LRIF1: variants seen among roughly 807,000 people sequenced by gnomAD.
LRIF1 encodes the protein ligand-dependent nuclear receptor-interacting factor 1.
In LRIF1, 32 loss-of-function variants were observed where a neutral mutation model predicts 52.7. The ratio of observed to expected loss-of-function variants is 0.61; its 90% CI spans 0.46 to 0.82. The LOEUF (loss-of-function observed/expected upper bound fraction) is 0.82. Ranked by LOEUF, LRIF1 falls within the 40% of genes least tolerant of loss-of-function variation. LRIF1 has a pLI of 0.00. For missense variants in LRIF1, 887 were observed against 892.0 expected, an observed-to-expected ratio of 0.99 and a Z score of 0.07; for synonymous variants, 323 against 317.4, an observed-to-expected ratio of 1.02 and a Z score of -0.19.
At chr1:110,937,227 G>A in the LRIF1 span, 1 of 151,978 alleles carries the variant, frequency 6.6e-6, no homozygotes, top group Non-Finnish European at 1.5e-5. Context: ...TTGACCAAAT[G>A]GACTTACAGA....
the LRIF1 span, among the ~76,000 whole-genome samples, chr1:110,922,397 T>G: frequency 1.3e-5 from 2 of 152,318 alleles, no homozygotes; most frequent in African/African-American, 4.8e-5. Context: ...TCACCACATG[T>G]TGGGGCTTTG....
At chr1:110,891,443 TC>T in the LRIF1 span, 1 of 1,613,936 alleles carries the variant, frequency 6.2e-7, no homozygotes, top group East Asian at 2.2e-5. Flanking sequence ...CTGAAGTATG[TC>T]CTGTTTTTCT....
At chr1:110,935,793 T>A in the LRIF1 span, among the ~76,000 whole-genome samples, 1 of 151,990 alleles carries the variant, frequency 6.6e-6, no homozygotes, top group South Asian at 2.1e-4. Flanking sequence ...AAAGGGATAA[T>A]AATAGAGAAC....
chr1:110,896,388 A>G, the LRIF1 span, among the ~76,000 whole-genome samples: 1 of 152,148 alleles, frequency 6.6e-6, no homozygotes, highest in Non-Finnish European at 1.5e-5. Context: ...TCCCTCCATT[A>G]TGCAGTCCCT....
chr1:110,949,816 T>C (rs371056061), intron 3 of LRIF1, 35 bp downstream of exon 3: 1 of 1,575,988 alleles, frequency 6.3e-7, no homozygotes, highest in Admixed American at 1.8e-5. Flanking sequence ...TCATTTGTAG[T>C]ACCTATGAAG....
chr1:110,891,376 C>T, the LRIF1 span: 8 of 1,571,344 alleles, frequency 5.1e-6, no homozygotes, highest in Non-Finnish European at 7.0e-6. Flanking sequence ...TTACTTTCTT[C>T]TTCCTTATTC....
chr1:110,958,862 TA>T (rs1557843296), intron 1 of LRIF1, among the ~76,000 whole-genome samples: 1 of 152,184 alleles, frequency 6.6e-6, no homozygotes, highest in African/African-American at 2.4e-5. Context: ...ATAATTTTTT[TA>T]AAAATCCATG....
At chr1:110,877,400 A>G in the LRIF1 span, among the ~76,000 whole-genome samples, 2 of 152,180 alleles carry the variant, frequency 1.3e-5, no homozygotes. Flanking sequence ...CCCGTATGTA[A>G]AGTTCTGCAT....
In LRIF1 at chr1:110,963,671, C is replaced by T. The variant is rs758355852; in HGVS notation, c.18G>A (p.Arg6=). 1 of 1,608,484 alleles carries T rather than the reference C, an allele frequency of 6.2e-7. No individual in the cohort carries two copies. The highest frequency in any genetic ancestry group is 1.3e-5 in the African/African-American group (1 of 75,006). The change falls in exon 1 of 4, where the codon CGG becomes CGA. Residue 6 remains arginine (R), a synonymous_variant. Coordinates refer to ENST00000369763, the MANE Select transcript of LRIF1 (RefSeq NM_018372.4). The stretch of plus-strand genomic sequence containing the variant: ...CCTCTGCGGGTTTCAGGAAGACCCT[C>T]CGTAGGTTATTTGACATTTTAGTGG... MSNNL[R]RVFLKPAEEN... is the part of the protein sequence containing the mutation.
At chr1:110,907,947 T>C in the LRIF1 span, among the ~76,000 whole-genome samples, 2,379 of 152,316 alleles carry the variant, frequency 0.016, 20 homozygotes, top group Non-Finnish European at 0.026. Context: ...GCAATAGTTA[T>C]TACTGAATAC....
chr1:110,961,774 A>G (rs1335963785), intron 1 of LRIF1, among the ~76,000 whole-genome samples: 1 of 152,144 alleles, frequency 6.6e-6, no homozygotes, highest in Non-Finnish European at 1.5e-5. Context: ...GGCCGTTAAT[A>G]TTATTTACAA....
chr1:110,930,842 T>C, the LRIF1 span, among the ~76,000 whole-genome samples: 5 of 152,278 alleles, frequency 3.3e-5, no homozygotes, highest in African/African-American at 9.6e-5. Context: ...TTTATTAGAA[T>C]ATCCTATTCA....
At chr1:110,915,550 G>T in the LRIF1 span, among the ~76,000 whole-genome samples, 2 of 151,926 alleles carry the variant, frequency 1.3e-5, no homozygotes, top group African/African-American at 4.8e-5. Flanking sequence ...GTACAAAACC[G>T]TATTATTTAG....
the LRIF1 span, among the ~76,000 whole-genome samples, chr1:110,910,966 C>T: frequency 6.6e-6 from 1 of 152,066 alleles, no homozygotes; most frequent in African/African-American, 2.4e-5. Context: ...AACAAACCAA[C>T]TCCAAAACTA....
chr1:110,930,192 A>C, the LRIF1 span, among the ~76,000 whole-genome samples: 30 of 152,100 alleles, frequency 2.0e-4, no homozygotes, highest in African/African-American at 7.0e-4. Context: ...ACAGTTCTTC[A>C]ATTTTTTCCT....
At chr1:110,888,557 AG>A in the LRIF1 span, among the ~76,000 whole-genome samples, 5 of 152,204 alleles carry the variant, frequency 3.3e-5, no homozygotes, top group African/African-American at 2.4e-5. Context: ...GTTTCAGGTG[AG>A]GGGGTAAATC....
chr1:110,950,237 T>C (rs2232043), intron 2 of LRIF1, 114 bp from the exon 3 acceptor site: 301,222 of 1,280,272 alleles, frequency 0.24, 37,115 homozygotes, highest in Non-Finnish European at 0.26. Flanking sequence ...TGCTTTATGA[T>C]TGGTTTGTAT....
At chr1:110,961,347 A>G (rs947403988) in intron 1 of LRIF1, among the ~76,000 whole-genome samples, 1 of 152,238 alleles carries the variant, frequency 6.6e-6, no homozygotes, top group Admixed American at 6.5e-5. Context: ...AAATGTTTAA[A>G]CTGTATTGAT....
intron 1 of LRIF1, among the ~76,000 whole-genome samples, chr1:110,960,661 C>T (rs1658913322): frequency 6.6e-6 from 1 of 151,972 alleles, no homozygotes; most frequent in South Asian, 2.1e-4. Context: ...TTGATGTGTT[C>T]CTCATCTCAG....
Sources: allele counts gnomAD v4.1 joint callset (sites outside exome capture counted in the v4.1 genomes callset), GRCh38; gene constraint gnomAD v4.1.1; transcripts MANE v1.5; gene names NCBI Gene and HGNC (gene_info 2026-07-23, HGNC 2026-07-21).